GBE1: variants seen among roughly 807,000 people sequenced by gnomAD.
GBE1 encodes 1,4-alpha-glucan branching enzyme 1.
A neutral mutation model predicts 88.8 loss-of-function variants in GBE1; 70 were observed. That is an observed-to-expected ratio of 0.79 (90% CI 0.65 to 0.96). The LOEUF (loss-of-function observed/expected upper bound fraction) is 0.96. Ranked by LOEUF, GBE1 falls within the 40% of genes least tolerant of loss-of-function variation. The pLI, the probability that GBE1 is intolerant of heterozygous loss-of-function variation, is 0.00. For synonymous variants in GBE1, 284 were observed against 300.1 expected (o/e 0.95, Z 0.56); for missense variants, 872 against 871.0 (o/e 1.00, Z -0.01).
At chr3:81,511,470 C>A (rs1311811782) in intron 14 of GBE1, among the ~76,000 whole-genome samples, 35 of 151,648 alleles carry the variant, frequency 2.3e-4, no homozygotes, top group Non-Finnish European at 1.5e-5. Flanking sequence ...TCATAAGGAA[C>A]TTAAACACTC....
chr3:81,638,940 T>A (rs950539103), intron 7 of GBE1, among the ~76,000 whole-genome samples: 1 of 152,148 alleles, frequency 6.6e-6, no homozygotes, highest in Non-Finnish European at 1.5e-5. Flanking sequence ...TTTCAAAAAT[T>A]ATGACAAAAG....
chr3:81,745,556 A>G (rs908753418), intron 1 of GBE1, among the ~76,000 whole-genome samples: 1 of 151,788 alleles, frequency 6.6e-6, no homozygotes, highest in African/African-American at 2.4e-5. Context: ...AATGATGGTG[A>G]TGATTATTAT....
intron 12 of GBE1, among the ~76,000 whole-genome samples, chr3:81,564,624 A>G (rs770598617): frequency 6.6e-5 from 10 of 152,148 alleles, no homozygotes; most frequent in Admixed American, 2.6e-4. Context: ...TACATAAGCA[A>G]TGTTCTCTAA....
intron 9 of GBE1, among the ~76,000 whole-genome samples, chr3:81,586,752 G>A (rs995003253): frequency 4.0e-5 from 6 of 151,642 alleles, no homozygotes; most frequent in African/African-American, 1.5e-4. Context: ...TATAGAAACA[G>A]AGGTTTATTG....
chr3:81,608,524 G>A (rs899757942), intron 7 of GBE1, among the ~76,000 whole-genome samples: 3 of 151,974 alleles, frequency 2.0e-5, no homozygotes, highest in Non-Finnish European at 2.9e-5. Flanking sequence ...CACGGAATAC[G>A]TTTGTGATAT....
At chr3:81,619,447 C>T (rs1233521294) in intron 7 of GBE1, among the ~76,000 whole-genome samples, 2 of 152,054 alleles carry the variant, frequency 1.3e-5, no homozygotes, top group Non-Finnish European at 2.9e-5. Flanking sequence ...TATAGATTAT[C>T]ATGCTAATTT....
At chr3:81,532,913 T>C (rs565108037) in intron 14 of GBE1, among the ~76,000 whole-genome samples, 12 of 152,058 alleles carry the variant, frequency 7.9e-5, no homozygotes, top group Non-Finnish European at 1.8e-4. Flanking sequence ...TAAAAGTCTT[T>C]GTCTTAATCT....
chr3:81,689,139 T>G (rs1395438205), intron 2 of GBE1, among the ~76,000 whole-genome samples: 1 of 152,212 alleles, frequency 6.6e-6, no homozygotes, highest in Non-Finnish European at 1.5e-5. Flanking sequence ...GAATCACTTT[T>G]AAATGAACCA....
At chr3:81,647,342 A>G (rs1390215273) in intron 5 of GBE1, among the ~76,000 whole-genome samples, 1 of 152,180 alleles carries the variant, frequency 6.6e-6, no homozygotes, top group African/African-American at 2.4e-5. Flanking sequence ...TCCAAGTTGC[A>G]TATATGCATG....
chr3:81,548,284 T>A (rs751734444), intron 12 of GBE1, among the ~76,000 whole-genome samples: 1 of 151,536 alleles, frequency 6.6e-6, no homozygotes, highest in Non-Finnish European at 1.5e-5. Context: ...CACCTTATGG[T>A]CAAACATTAA....
At chr3:81,512,569 A>C (rs1326866170) in intron 14 of GBE1, among the ~76,000 whole-genome samples, 1 of 151,854 alleles carries the variant, frequency 6.6e-6, no homozygotes, top group Admixed American at 6.6e-5. Context: ...CATGTACTTC[A>C]ATGGCATTTC....
chr3:81,629,872 C>T (rs1194117498), intron 7 of GBE1, among the ~76,000 whole-genome samples: 2 of 150,376 alleles, frequency 1.3e-5, no homozygotes, highest in Non-Finnish European at 3.0e-5. Flanking sequence ...CCGCCTCCCC[C>T]CACCCCACAA....
intron 1 of GBE1, 145 bp downstream of exon 1, chr3:81,761,230 A>C (rs1299121899): frequency 6.6e-6 from 7 of 1,058,416 alleles, no homozygotes; most frequent in South Asian, 4.8e-5. Context: ...CGGTTACCCG[A>C]GTCACCCCGA....
chr3:81,606,047 T>C (rs1313165028), intron 7 of GBE1, among the ~76,000 whole-genome samples: 1 of 152,136 alleles, frequency 6.6e-6, no homozygotes, highest in Non-Finnish European at 1.5e-5. Flanking sequence ...TACACAGATA[T>C]TCTATGGTAA....
Position 81,545,614 on chromosome 3 carries a change from A to G in GBE1, c.1619-8519T>C, listed in dbSNP as rs200003323. On this transcript the variant is annotated intron_variant, in intron 12 of 15. Coordinates refer to ENST00000429644, the MANE Select transcript of GBE1 (RefSeq NM_000158.4). Reference sequence around the variant, plus strand: ...GTAATTCTTTGTTGATATCAAGCATATGTGTGTGTGTGTGTGTGTGTGTAT... The same window carrying G: ...GTAATTCTTTGTTGATATCAAGCATGTGTGTGTGTGTGTGTGTGTGTGTAT... Among the ~76,000 whole-genome samples, 184 of 149,758 alleles carry G rather than the reference A, an allele frequency of 1.2e-3. No homozygotes were observed. The East Asian group carries it at 0.016, about 13-fold the overall frequency.
In GBE1 at chr3:81,722,896, G is replaced by GTATATATATA. The variant is rs553712949; in HGVS notation, c.144-17293_144-17284dup. Among the ~76,000 whole-genome samples, 101 of 135,306 alleles carry GTATATATATA rather than the reference G, an allele frequency of 7.5e-4. 1 individual carries two copies. The highest frequency in any genetic ancestry group is 4.5e-3 in the East Asian group (19 of 4,236). 88.8% of individuals were successfully genotyped at this position (135,306 alleles called of 152,430 possible). A position where few individuals can be genotyped will look rare whatever the true frequency, so the allele number is the denominator to read the frequency against. On this transcript the variant is annotated intron_variant, in intron 1 of 15. Coordinates refer to ENST00000429644, the MANE Select transcript of GBE1 (RefSeq NM_000158.4). ...CACACACACGTGTGTGTGTGTGTGT[G>GTATATATATA]TATATATATATATATATATACACAC...
chr3:81,704,454 C>T (rs530645574), intron 2 of GBE1, among the ~76,000 whole-genome samples: 1 of 152,002 alleles, frequency 6.6e-6, no homozygotes, highest in Admixed American at 6.6e-5. Flanking sequence ...TTTTCACCAC[C>T]CCAAAAATTC....
At chr3:81,515,763 A>G (rs1702790622) in intron 14 of GBE1, among the ~76,000 whole-genome samples, 1 of 151,624 alleles carries the variant, frequency 6.6e-6, no homozygotes, top group Admixed American at 6.6e-5. Flanking sequence ...TGAACGCATG[A>G]GTGATAGGAC....
chr3:81,619,673 T>TTATATACATAATTATTTTATG, intron 7 of GBE1, among the ~76,000 whole-genome samples: 1 of 152,030 alleles, frequency 6.6e-6, no homozygotes, highest in South Asian at 2.1e-4. Flanking sequence ...AAGCAAATAA[T>TTATATACATAATTATTTTATG]TATATACATA....
Sources: gnomAD v4.1 joint callset for allele counts (sites outside exome capture counted in the v4.1 genomes callset) on GRCh38, gnomAD v4.1.1 for gene constraint, MANE v1.5 for transcripts, NCBI Gene and HGNC (gene_info 2026-07-23, HGNC 2026-07-21) for gene names.